The following MED26 variants were observed in gnomAD, a reference collection of about 807,000 sequenced individuals.
The protein encoded by MED26 is mediator of RNA polymerase II transcription subunit 26.
Under a neutral mutation model 43.7 loss-of-function variants are expected in MED26, and 7 were observed. The ratio of observed to expected loss-of-function variants is 0.16; its 90% confidence interval spans 0.09 to 0.30. The LOEUF is 0.30. MED26 is among the 10% of genes least tolerant of loss of function. The pLI, the probability that MED26 is intolerant of heterozygous loss-of-function variation, is 1.00. For missense variants in MED26, 784 were observed against 840.6 expected, an observed-to-expected ratio of 0.93 and a Z score of 0.83; for synonymous variants, 375 against 371.1, an observed-to-expected ratio of 1.01 and a Z score of -0.12.
chr19:16,576,163 T>C lies in MED26; in HGVS notation c.1667A>G (p.Gln556Arg), dbSNP rs1599327089. ...EVTQDDLDRIQASQWPGVNGC... is the reference protein window; with the variant it reads ...EVTQDDLDRIRASQWPGVNGC... Reference sequence around the variant, plus strand: ...GTTCACCCCCGGCCACTGGCTGGCCTGGATTCTGTCGAGATCGTCCTGTGT... The same window carrying C: ...GTTCACCCCCGGCCACTGGCTGGCCCGGATTCTGTCGAGATCGTCCTGTGT... The change falls in exon 3 of 3, where the codon CAG (glutamine) becomes CGG (arginine). Residue 556 changes from glutamine to arginine, a missense_variant. Physicochemically the swap from Gln to Arg is conservative, Grantham distance 43. Transcript: ENST00000263390. The surrounding 1 kb of genome is among the most constrained non-coding windows in gnomAD (Gnocchi z 6.8). The C allele has an allele frequency of 6.2e-7, 1 of 1,613,744 alleles. No homozygotes were observed. Among genetic ancestry groups the C allele is most frequent in the South Asian group, 1.1e-5 (1 of 91,086 alleles).
At chr19:16,616,922 C>T (rs2086228804) in intron 1 of MED26, among the ~76,000 whole-genome samples, 1 of 152,172 alleles carries the variant, frequency 6.6e-6, no homozygotes, top group South Asian at 2.1e-4. Context: ...GCACAGAGAA[C>T]AGCGCCCTAA....
intron 1 of MED26, among the ~76,000 whole-genome samples, chr19:16,580,617 C>G (rs1025323278): frequency 1.3e-5 from 2 of 152,120 alleles, no homozygotes; most frequent in African/African-American, 4.8e-5. Flanking sequence ...GTGATCTGCC[C>G]TCCTCGGCCT....
At chr19:16,609,193 T>G (rs192830361) in intron 1 of MED26, among the ~76,000 whole-genome samples, 1 of 151,342 alleles carries the variant, frequency 6.6e-6, no homozygotes. Context: ...TGCACACCTA[T>G]AGTCGCAGCT....
intron 1 of MED26, among the ~76,000 whole-genome samples, chr19:16,619,170 C>G (rs1028857223): frequency 2.6e-5 from 4 of 152,212 alleles, no homozygotes; most frequent in African/African-American, 9.7e-5. Flanking sequence ...GAACCAATGA[C>G]CACCCAAAAG....
chr19:16,621,571 T>A (rs1392925566), intron 1 of MED26, among the ~76,000 whole-genome samples: 1 of 152,198 alleles, frequency 6.6e-6, no homozygotes, highest in East Asian at 1.9e-4. Context: ...ATCCTTGGGA[T>A]GTGAGTTCCC....
chr19:16,625,220 G>C (rs1568292731), intron 1 of MED26, among the ~76,000 whole-genome samples: 1 of 152,182 alleles, frequency 6.6e-6, no homozygotes, highest in Non-Finnish European at 1.5e-5. Flanking sequence ...TTACTGAATT[G>C]GCAGAAATTA....
chr19:16,600,166 C>T (rs2086141854), intron 1 of MED26, among the ~76,000 whole-genome samples: 1 of 152,080 alleles, frequency 6.6e-6, no homozygotes, highest in South Asian at 2.1e-4. Flanking sequence ...CCCCTCATCC[C>T]CCCGGGCCCT....
intron 1 of MED26, among the ~76,000 whole-genome samples, chr19:16,598,852 T>G (rs545437542): frequency 6.6e-6 from 1 of 152,182 alleles, no homozygotes; most frequent in Non-Finnish European, 1.5e-5. Context: ...ATGAGTTCAC[T>G]GGCTGCTGAA....
At chr19:16,596,870 G>A (rs1019247280) in intron 1 of MED26, among the ~76,000 whole-genome samples, 22 of 152,196 alleles carry the variant, frequency 1.4e-4, no homozygotes, top group African/African-American at 5.3e-4. Flanking sequence ...TGTAGCCCTT[G>A]CACGGCACAC....
rs374027154 is a variant in MED26, at chr19:16,584,195, A to G, written c.73-5786T>C. On this transcript the variant is annotated intron_variant, in intron 1 of 2. Transcript: ENST00000263390. The stretch of plus-strand genomic sequence containing the variant: ...TCAAACCTGGGAGGCGGAGGTTGCA[A>G]TGAGCTGAGATCACGCCACTGCACT... Among the ~76,000 whole-genome samples the G allele has an allele frequency of 9.3e-5, 14 of 151,322 alleles. 1 individual carries two copies. The East Asian group carries it at 1.6e-3, about 17-fold the overall frequency.
Position 16,576,807 on chromosome 19 carries a change from C to G in MED26, c.1023G>C (p.Trp341Cys), listed in dbSNP as rs1251136128. 1 of 1,608,894 alleles carries G rather than the reference C, an allele frequency of 6.2e-7. No individual in the cohort carries two copies. Among genetic ancestry groups the G allele is most frequent in the Non-Finnish European group, 8.5e-7 (1 of 1,178,930 alleles). Residue 341 changes from tryptophan (W) to cysteine (C), a missense_variant, in exon 3 of 3, where the codon TGG becomes TGC. Trp to Cys is a radical substitution (Grantham distance 215). Around this residue, in one of 3 missense-constraint regions of MED26, gnomAD observed 719 missense variants for 730.9 expected, o/e 0.98. Transcript: ENST00000263390. This position sits in a 1 kb window ranked among gnomAD's most constrained non-coding sequence, Gnocchi z 6.8. Reference protein sequence around the residue: ...LLPSAESPVCWLEQPESHQRL... With the variant: ...LLPSAESPVCCLEQPESHQRL... ...GCTGGTGGCTCTCAGGCTGCTCAAGCCAGCACACTGGGCTTTCCGCACTGG... is the reference window on the plus strand; with the variant it reads ...GCTGGTGGCTCTCAGGCTGCTCAAGGCAGCACACTGGGCTTTCCGCACTGG...
chr19:16,612,996 C>T (rs183091528), intron 1 of MED26, among the ~76,000 whole-genome samples: 11 of 152,244 alleles, frequency 7.2e-5, no homozygotes, highest in Non-Finnish European at 1.3e-4. Flanking sequence ...CCCCCTAGCT[C>T]CTGAAAAGTC....
At position 16,575,868 on chromosome 19, in the gene MED26, CAG is replaced by C. The variant is rs762463481; in HGVS notation, c.*157_*158del. 229 of 633,508 alleles carry C rather than the reference CAG, an allele frequency of 3.6e-4. No homozygotes were observed. The highest frequency in any genetic ancestry group is 1.4e-3 in the East Asian group (52 of 36,360). The allele number at this position is 633,508 out of a possible 1,614,324, so 39.2% of individuals were successfully genotyped here. On this transcript the variant is annotated 3_prime_UTR_variant, in exon 3 of 3. Transcript: ENST00000263390. ...CAAAAAGAGTTTTGAGGGAAGAGCG[CAG>C]AGAGACCGCGTGACTCCCGCCCCCT...
At chr19:16,578,279 T>G (rs750757912) in intron 2 of MED26, 56 bp downstream of exon 2, 4 of 1,514,494 alleles carry the variant, frequency 2.6e-6, no homozygotes, top group African/African-American at 1.4e-5. Context: ...ACCTGGTTGG[T>G]ACCATCCCCT....
intron 1 of MED26, chr19:16,624,172 C>A (rs1189763864): frequency 6.6e-6 from 1 of 152,024 alleles, no homozygotes; most frequent in Non-Finnish European, 1.5e-5. Context: ...CTTCTAGGAT[C>A]TGAACTTAGA....
rs1217381595 is a variant in MED26 at position 16,587,035 on chromosome 19, G to C, written c.73-8626C>G. On this transcript the variant is annotated intron_variant, in intron 1 of 2. Transcript: ENST00000263390. The surrounding 1 kb of genome is among the most constrained non-coding windows in gnomAD (Gnocchi z 4.9). ...TCCTTCCAAACCCAAACATGCCACA[G>C]ATGGCACCCAGAAACAGACAGTCTG... 2 of 151,856 alleles carry C rather than the reference G, an allele frequency of 1.3e-5. No homozygotes were observed. The highest frequency in any genetic ancestry group is 2.9e-5 in the Non-Finnish European group (2 of 68,008). 9.4% of individuals were successfully genotyped at this position (151,856 alleles called of 1,614,324 possible). A position where few individuals can be genotyped will look rare whatever the true frequency, so the allele number is the denominator to read the frequency against.
intron 1 of MED26, chr19:16,597,503 A>C (rs902027033): frequency 4.3e-5 from 17 of 398,486 alleles, no homozygotes; most frequent in Non-Finnish European, 7.1e-5. Context: ...ACACCAAGAC[A>C]ATCATGCCTG....
At chr19:16,622,890 C>T (rs115073070) in intron 1 of MED26, among the ~76,000 whole-genome samples, 4 of 152,160 alleles carry the variant, frequency 2.6e-5, no homozygotes, top group Non-Finnish European at 4.4e-5. Context: ...AGAAGATGCT[C>T]GCAGACCCCA....
intron 1 of MED26, among the ~76,000 whole-genome samples, chr19:16,614,745 A>G (rs1280348379): frequency 6.6e-6 from 1 of 152,112 alleles, no homozygotes; most frequent in Non-Finnish European, 1.5e-5. Flanking sequence ...TATGGCTCCA[A>G]CAGACCCCTC....
Sources: gnomAD v4.1 joint callset for allele counts (sites outside exome capture counted in the v4.1 genomes callset) on GRCh38, gnomAD v4.1.1 for gene constraint, gnomAD v4.1.1 regional missense constraint, Gnocchi (gnomAD v3.1) non-coding constraint, MANE v1.5 for transcripts, NCBI Gene and HGNC (gene_info 2026-07-23, HGNC 2026-07-21) for gene names.